CCDC42: variants seen among roughly 807,000 people sequenced by gnomAD.
The protein encoded by CCDC42 is coiled-coil domain-containing protein 42.
CCDC42 carries 38 observed loss-of-function variants against 40.8 expected under a neutral mutation model. The ratio of observed to expected loss-of-function variants is 0.93; its 90% CI spans 0.72 to 1.22. The LOEUF (loss-of-function observed/expected upper bound fraction) is 1.22, where lower values mean the gene tolerates loss of function less well. CCDC42 is among the 50% of genes most tolerant of loss of function. The pLI is 0.00. For synonymous variants in CCDC42, 135 were observed against 157.5 expected, an observed-to-expected ratio of 0.86 and a Z score of 1.07; for missense variants, 379 against 416.5, an observed-to-expected ratio of 0.91 and a Z score of 0.78.
At chr17:8,743,894 C>G (rs576036363) in intron 2 of CCDC42, among the ~76,000 whole-genome samples, 164 bp from the exon 3 acceptor site, 7 of 152,098 alleles carry the variant, frequency 4.6e-5, no homozygotes, top group African/African-American at 1.7e-4. Flanking sequence ...CAGAGCATCC[C>G]TGGACAGTGG....
In CCDC42 at chr17:8,735,107, G is replaced by A. The variant is rs1013272912; in HGVS notation, c.862C>T (p.Gln288Ter). 3.1e-5 allele frequency: 50 copies of A among 1,614,046 alleles called. No homozygotes were observed. The highest frequency in any genetic ancestry group is 4.1e-5 in the Non-Finnish European group (48 of 1,180,026). Residue 288 changes from glutamine to a stop codon, truncating the protein, a stop_gained, in exon 6 of 7, where the codon CAG (glutamine) becomes TAG (stop). Transcript: ENST00000293845. LOFTEE classifies it high-confidence loss of function. This position sits in a 1 kb window ranked among gnomAD's most constrained non-coding sequence, Gnocchi z 4.7. ...TCCCCTCCTCCTACCATGTCCAGCTGCTTGTGGGTGTCCTCCAGTGCCACC... is the reference window on the plus strand; with the variant it reads ...TCCCCTCCTCCTACCATGTCCAGCTACTTGTGGGTGTCCTCCAGTGCCACC... ...TEVALEDTHK[Q>*]LDMIQQFIQD...
intron 4 of CCDC42, among the ~76,000 whole-genome samples, chr17:8,738,095 A>G (rs2086622368): frequency 6.6e-6 from 1 of 152,168 alleles, no homozygotes; most frequent in South Asian, 2.1e-4. Flanking sequence ...CAAAGCACTG[A>G]GATTACAGGC....
rs2086609820 is a variant in CCDC42 at position 8,735,987 on chromosome 17, T to C, written c.493-376A>G. 6.6e-6 allele frequency among the ~76,000 whole-genome samples: 1 copy of C among 152,180 alleles called. No individual in the cohort carries two copies. Among genetic ancestry groups the C allele is most frequent in the Admixed American group, 6.5e-5 (1 of 15,284 alleles). ...CATCTGAATTTTGCAAAAGGTCCCC[T>C]GGTGGCTCTAGGCACAGCCAGGGTT... On this transcript the variant is annotated intron_variant, in intron 4 of 6. Transcript: ENST00000293845. The surrounding 1 kb of genome is among the most constrained non-coding windows in gnomAD (Gnocchi z 4.7).
At chr17:8,737,094 GAAAA>G (rs2086617473) in intron 4 of CCDC42, among the ~76,000 whole-genome samples, 1 of 152,056 alleles carries the variant, frequency 6.6e-6, no homozygotes, top group Non-Finnish European at 1.5e-5. Context: ...AAGAAAAAAA[GAAAA>G]GCAAGCAAGC....
In CCDC42 at chr17:8,735,473, C is replaced by T; in HGVS notation, c.631G>A (p.Asp211Asn). 6.2e-7 allele frequency: 1 copy of T among 1,614,132 alleles called. No individual in the cohort carries two copies. Among genetic ancestry groups the T allele is most frequent in the Non-Finnish European group, 8.5e-7 (1 of 1,180,040 alleles). ...TTGTTTTGCTGCAGGATCTCATCAT[C>T]CTTTTCCTCCATGTAGCGCGCCAGC... ...ARLARYMEEK[D>N]DEILQQNNEL... is the part of the protein sequence containing the mutation. Residue 211 changes from aspartate to asparagine, a missense_variant, in exon 5 of 7, where the codon GAT (aspartate) becomes AAT (asparagine). Coordinates refer to ENST00000293845, the MANE Select transcript of CCDC42 (RefSeq NM_144681.3). This position sits in a 1 kb window ranked among gnomAD's most constrained non-coding sequence, Gnocchi z 4.7.
At chr17:8,744,223 A>G (rs2086663824) in intron 1 of CCDC42, 39 bp from the exon 2 acceptor site, 1 of 1,514,864 alleles carries the variant, frequency 6.6e-7, no homozygotes, top group Non-Finnish European at 9.1e-7. Context: ...GTGTGTTCTG[A>G]CATGGGGTAG....
rs199724755 is a variant in CCDC42 at position 8,735,374 on chromosome 17, G to A, written c.714+16C>T. 478 of 1,613,120 alleles carry A rather than the reference G, an allele frequency of 3.0e-4. 4 individuals are homozygous for A. In the African/African-American group the frequency reaches 5.4e-3, roughly 18 times the overall value. ...CCCAGTGCCTGGGAGCCCCCGGCCC[G>A]CCCCGGGCCCCTCACCCAGAAGATG... is the stretch of plus-strand genomic sequence containing the variant. On this transcript the variant is annotated intron_variant, in intron 5 of 6. Transcript: ENST00000293845. This position sits in a 1 kb window ranked among gnomAD's most constrained non-coding sequence, Gnocchi z 4.7.
intron 4 of CCDC42, among the ~76,000 whole-genome samples, chr17:8,736,396 C>G (rs987840526): frequency 6.6e-6 from 1 of 152,208 alleles, no homozygotes; most frequent in Non-Finnish European, 1.5e-5. Flanking sequence ...CTCCCCCAGC[C>G]TGGTCCAGAA....
chr17:8,732,171 C>T (rs1420175335), intron 6 of CCDC42, among the ~76,000 whole-genome samples: 7 of 151,302 alleles, frequency 4.6e-5, no homozygotes, highest in South Asian at 2.1e-4. Flanking sequence ...TAGTGGCGGG[C>T]GCCTGTAGTC....
intron 3 of CCDC42, among the ~76,000 whole-genome samples, chr17:8,742,616 C>A (rs2086652226): frequency 6.6e-6 from 1 of 152,186 alleles, no homozygotes; most frequent in Non-Finnish European, 1.5e-5. Flanking sequence ...CACTTGGAGG[C>A]CACTGAGGAA....
chr17:8,737,147 T>C (rs934905459), intron 4 of CCDC42, among the ~76,000 whole-genome samples: 1 of 152,170 alleles, frequency 6.6e-6, no homozygotes, highest in Non-Finnish European at 1.5e-5. Flanking sequence ...GTGTGGACTT[T>C]ATCCATTGAA....
intron 6 of CCDC42, among the ~76,000 whole-genome samples, chr17:8,733,908 G>T (rs2086594693): frequency 6.6e-6 from 1 of 152,130 alleles, no homozygotes; most frequent in Non-Finnish European, 1.5e-5. Flanking sequence ...GGTCATAGGG[G>T]TTTTTGAGGC....
intron 6 of CCDC42, among the ~76,000 whole-genome samples, chr17:8,731,720 G>T (rs1211435363): frequency 6.6e-6 from 1 of 152,174 alleles, no homozygotes; most frequent in East Asian, 1.9e-4. Context: ...TGGACACAAA[G>T]AGGGGAACAA....
chr17:8,741,968 G>C (rs1162859972), intron 3 of CCDC42, among the ~76,000 whole-genome samples: 1 of 152,148 alleles, frequency 6.6e-6, no homozygotes, highest in Non-Finnish European at 1.5e-5. Context: ...GGGGCAGACA[G>C]GAAATGGTTC....
In CCDC42 at chr17:8,730,014, C is replaced by A. The variant is rs2086569854; in HGVS notation, c.*116G>T. ...CCACGGGGGAAAATAAGCAGGTGTC[C>A]CTCAGCAGGAAGGCACAGCAGGCAT... On this transcript the variant is annotated 3_prime_UTR_variant, in exon 7 of 7. Coordinates refer to ENST00000293845, the MANE Select transcript of CCDC42 (RefSeq NM_144681.3). The A allele has an allele frequency of 3.6e-6, 3 of 827,454 alleles. No homozygotes were observed. The highest frequency in any genetic ancestry group is 6.1e-6 in the Non-Finnish European group (3 of 491,090). The allele number at this position is 827,454 out of a possible 1,614,324, so 51.3% of individuals were successfully genotyped here.
At chr17:8,732,213 G>A (rs1568049750) in intron 6 of CCDC42, among the ~76,000 whole-genome samples, 1 of 147,740 alleles carries the variant, frequency 6.8e-6, no homozygotes, top group African/African-American at 2.5e-5. Context: ...GCAGGAGAAT[G>A]GCGTGAACCT....
chr17:8,730,209 T>C lies in CCDC42; in HGVS notation c.874-2A>G. The C allele has an allele frequency of 1.2e-6, 2 of 1,613,188 alleles. No homozygotes were observed. The highest frequency in any genetic ancestry group is 1.7e-6 in the Non-Finnish European group (2 of 1,179,460). On this transcript the variant is annotated splice_acceptor_variant, in intron 6 of 6. Coordinates refer to ENST00000293845, the MANE Select transcript of CCDC42 (RefSeq NM_144681.3). LOFTEE classifies it high-confidence loss of function. ...CCGGTCTTGGATAAATTGCTGGATCTAGAAAGGCAAGGAGCCCAGCGTTAA... is the reference window on the plus strand; with the variant it reads ...CCGGTCTTGGATAAATTGCTGGATCCAGAAAGGCAAGGAGCCCAGCGTTAA...
rs2151141515 is a variant in CCDC42 at position 8,744,699 on chromosome 17, C to T, written c.-90G>A. ...ACAGGTGGCTCAGGGGTGGTGGCTG[C>T]ACTCTTGTTTCTCCCTTCGGCCTAC... On this transcript the variant is annotated 5_prime_UTR_variant, in exon 1 of 7. Transcript: ENST00000293845. 1.1e-6 allele frequency: 1 copy of T among 875,480 alleles called. No individual in the cohort carries two copies. The highest frequency in any genetic ancestry group is 1.9e-6 in the Non-Finnish European group (1 of 527,268). 54.2% of individuals were successfully genotyped at this position (875,480 alleles called of 1,614,324 possible). A position where few individuals can be genotyped will look rare whatever the true frequency, so the allele number is the denominator to read the frequency against.
chr17:8,744,197 T>C lies in CCDC42; in HGVS notation c.84-13A>G, dbSNP rs117674207. On this transcript the variant is annotated splice_polypyrimidine_tract_variant and intron_variant, in intron 1 of 6. Transcript: ENST00000293845. ...ATTGGGGAGTTTCCTGTCCAAGATGTGAACGCGAGAGGGCTGTGTGTTCTG... is the reference window on the plus strand; with the variant it reads ...ATTGGGGAGTTTCCTGTCCAAGATGCGAACGCGAGAGGGCTGTGTGTTCTG... The C allele has an allele frequency of 9.6e-5, 154 of 1,600,240 alleles. 2 individuals are homozygous for C. In the East Asian group the frequency reaches 2.9e-3, roughly 31 times the overall value.
Sources: gnomAD v4.1 joint callset for allele counts (sites outside exome capture counted in the v4.1 genomes callset) on GRCh38, gnomAD v4.1.1 for gene constraint, Gnocchi (gnomAD v3.1) non-coding constraint, MANE v1.5 for transcripts, NCBI Gene and HGNC (gene_info 2026-07-23, HGNC 2026-07-21) for gene names.